Variants in SSH2 observed in about 807,000 individuals in gnomAD.
The protein encoded by SSH2 is protein phosphatase Slingshot homolog 2.
SSH2 carries 37 observed loss-of-function variants against 135.2 expected under a neutral mutation model. The ratio of observed to expected loss-of-function variants is 0.27; its 90% CI spans 0.21 to 0.36. SSH2 has a LOEUF of 0.36. SSH2 is among the 10% of genes least tolerant of loss of function. SSH2 has a pLI of 1.00. For synonymous variants in SSH2, 628 were observed against 646.2 expected (o/e 0.97, Z 0.43); for missense variants, 1,408 against 1,765.3 (o/e 0.80, Z 3.63).
At chr17:29,740,661 CA>C (rs1410824705) in intron 3 of SSH2, among the ~76,000 whole-genome samples, 2 of 152,132 alleles carry the variant, frequency 1.3e-5, no homozygotes, top group African/African-American at 2.4e-5. Flanking sequence ...TGAAATATAT[CA>C]AGTGCTTTCT....
intron 2 of SSH2, among the ~76,000 whole-genome samples, chr17:29,807,295 A>G (rs1375928467): frequency 6.6e-6 from 1 of 152,238 alleles, no homozygotes; most frequent in Non-Finnish European, 1.5e-5. Flanking sequence ...AGATGTAGGT[A>G]TACTGCTAAG....
At chr17:29,840,347 G>T (rs2151378057) in intron 2 of SSH2, among the ~76,000 whole-genome samples, 1 of 152,296 alleles carries the variant, frequency 6.6e-6, no homozygotes, top group East Asian at 1.9e-4. Flanking sequence ...GAGGGATCAG[G>T]AGCCTAGACC....
intron 3 of SSH2, among the ~76,000 whole-genome samples, chr17:29,780,995 T>C (rs1038573434): frequency 1.3e-5 from 2 of 151,490 alleles, no homozygotes; most frequent in Non-Finnish European, 2.9e-5. Flanking sequence ...GTATTTTTAG[T>C]AGAGACGGGG....
chr17:29,649,275 C>CCCTAATCCTAA lies in SSH2; in HGVS notation c.1227-932_1227-931insTTAGGATTAGG, dbSNP rs565093307. ...CTCAGTTGTGCCTGGGTGCCCCGTA[C>CCCTAATCCTAA]GTCTCTCCCTAATCCTAAGTAAAAT... On this transcript the variant is annotated intron_variant, in intron 13 of 15. Coordinates refer to ENST00000540801, the MANE Select transcript of SSH2 (RefSeq NM_001282129.2). Among the ~76,000 whole-genome samples the CCCTAATCCTAA allele has an allele frequency of 4.6e-3, 694 of 152,262 alleles. 7 individuals are homozygous for CCCTAATCCTAA. Among genetic ancestry groups the CCCTAATCCTAA allele is most frequent in the African/African-American group, 0.016 (656 of 41,532 alleles).
At chr17:29,822,240 C>A (rs1599047017) in intron 2 of SSH2, among the ~76,000 whole-genome samples, 1 of 152,176 alleles carries the variant, frequency 6.6e-6, no homozygotes, top group Admixed American at 6.5e-5. Flanking sequence ...GAGTACTGCA[C>A]TTCCTTGGCT....
intron 2 of SSH2, among the ~76,000 whole-genome samples, chr17:29,833,637 GT>G (rs893761224): frequency 1.5e-4 from 22 of 144,126 alleles, no homozygotes; most frequent in African/African-American, 4.3e-4. Context: ...TTTGTTTTCT[GT>G]TTTTTTTTCC....
intron 3 of SSH2, among the ~76,000 whole-genome samples, chr17:29,781,716 G>A (rs2041847182): frequency 6.6e-6 from 1 of 151,422 alleles, no homozygotes; most frequent in Non-Finnish European, 1.5e-5. Context: ...TTGACCTCGT[G>A]ATCCGCCTGC....
intron 1 of SSH2, among the ~76,000 whole-genome samples, chr17:29,868,385 A>C (rs993479896): frequency 1.3e-5 from 2 of 152,128 alleles, no homozygotes; most frequent in African/African-American, 4.8e-5. Flanking sequence ...CACCATAGGG[A>C]GGTTGCCAAG....
intron 3 of SSH2, among the ~76,000 whole-genome samples, chr17:29,728,077 C>T (rs2040060213): frequency 6.6e-6 from 1 of 152,032 alleles, no homozygotes; most frequent in Non-Finnish European, 1.5e-5. Context: ...ATACACCCAC[C>T]CCAGCCTCCC....
intron 1 of SSH2, among the ~76,000 whole-genome samples, chr17:29,917,534 T>A (rs2066904036): frequency 6.6e-6 from 1 of 152,190 alleles, no homozygotes; most frequent in African/African-American, 2.4e-5. Context: ...CTCAACAAAC[T>A]TCTGCTGAAC....
chr17:29,848,891 A>C lies in SSH2; in HGVS notation c.102T>G (p.Leu34=). ...TTTCTGATTCTTCACATTCACAGCA[A>C]AGTAATGCTGCTGATTCACTGTCTT... ...HLEDSESAAL[L]CCECEESEIF... Residue 34 remains leucine (L), a synonymous_variant, in exon 2 of 16, where the codon CTT becomes CTG. Coordinates refer to ENST00000540801, the MANE Select transcript of SSH2 (RefSeq NM_001282129.2). 1 of 1,534,966 alleles carries C rather than the reference A, an allele frequency of 6.5e-7. No individual in the cohort carries two copies. The highest frequency in any genetic ancestry group is 2.0e-5 in the Admixed American group (1 of 50,994).
intron 2 of SSH2, among the ~76,000 whole-genome samples, chr17:29,801,063 C>T (rs1031106102): frequency 9.2e-5 from 14 of 152,050 alleles, no homozygotes; most frequent in African/African-American, 3.1e-4. Flanking sequence ...TGGGGTTTTG[C>T]CATGTTGGCC....
chr17:29,724,545 A>C (rs2039929876), intron 3 of SSH2, among the ~76,000 whole-genome samples: 1 of 149,900 alleles, frequency 6.7e-6, no homozygotes, highest in Non-Finnish European at 1.5e-5. Context: ...AAAAAAAAAA[A>C]ACAAAACCCT....
chr17:29,636,997 T>G (rs2035940161), intron 14 of SSH2, among the ~76,000 whole-genome samples, 195 bp from the exon 15 acceptor site: 1 of 152,000 alleles, frequency 6.6e-6, no homozygotes, highest in African/African-American at 2.4e-5. Context: ...TGAGTGTGAG[T>G]TTTTTTTACC....
At chr17:29,744,217 C>T (rs531619273) in intron 3 of SSH2, among the ~76,000 whole-genome samples, 161 of 151,750 alleles carry the variant, frequency 1.1e-3, no homozygotes, top group African/African-American at 3.8e-3. Flanking sequence ...CCAGGTGGGC[C>T]GGGTGGGGAT....
chr17:29,902,992 C>G (rs1423586624), intron 1 of SSH2, among the ~76,000 whole-genome samples: 1 of 151,966 alleles, frequency 6.6e-6, no homozygotes, highest in Admixed American at 6.6e-5. Flanking sequence ...TCAAGACCAG[C>G]TTGGCCAACA....
chr17:29,821,753 C>G (rs145855231), intron 2 of SSH2, among the ~76,000 whole-genome samples: 42 of 152,058 alleles, frequency 2.8e-4, no homozygotes, highest in African/African-American at 9.6e-4. Context: ...AAGTGATTCT[C>G]CTGCCTCAGC....
chr17:29,679,635 A>G (rs2037883452), intron 6 of SSH2, among the ~76,000 whole-genome samples: 1 of 151,940 alleles, frequency 6.6e-6, no homozygotes, highest in African/African-American at 2.4e-5. Flanking sequence ...TGAACTCCCA[A>G]CCTCAGGTGA....
At chr17:29,880,524 T>G (rs1021106623) in intron 1 of SSH2, among the ~76,000 whole-genome samples, 1 of 152,164 alleles carries the variant, frequency 6.6e-6, no homozygotes, top group African/African-American at 2.4e-5. Context: ...ATAACTTTCA[T>G]GGTATTTATT....
Sources: allele counts gnomAD v4.1 joint callset (sites outside exome capture counted in the v4.1 genomes callset), GRCh38; gene constraint gnomAD v4.1.1; transcripts MANE v1.5; gene names NCBI Gene and HGNC (gene_info 2026-07-23, HGNC 2026-07-21).